WWOX: variants seen among roughly 807,000 people sequenced by gnomAD.
WWOX encodes the protein WW domain-containing oxidoreductase.
In WWOX, 69 loss-of-function variants were observed where a neutral mutation model predicts 46.2. The ratio of observed to expected loss-of-function variants is 1.49; its 90% CI spans 1.23 to 1.82. The LOEUF is 1.82. Ranked by LOEUF, WWOX falls within the 40% of genes most tolerant of loss-of-function variation. The pLI is 0.00. For synonymous variants in WWOX, 359 were observed against 202.6 expected, an observed-to-expected ratio of 1.77 and a Z score of -6.56; for missense variants, 919 against 542.6, an observed-to-expected ratio of 1.69 and a Z score of -6.89.
intron 8 of WWOX, among the ~76,000 whole-genome samples, chr16:78,863,884 C>G (rs932633484): frequency 2.0e-5 from 3 of 152,216 alleles, no homozygotes; most frequent in Non-Finnish European, 4.4e-5. Flanking sequence ...GCCTCCTCCA[C>G]TTAGCATCGT....
intron 6 of WWOX, among the ~76,000 whole-genome samples, chr16:78,407,562 G>T (rs1297468110): frequency 1.3e-5 from 2 of 152,120 alleles, no homozygotes; most frequent in African/African-American, 4.8e-5. Context: ...GCTGCTCCTA[G>T]ACTCTTTAAA....
chr16:79,011,435 T>C (rs958830261), intron 8 of WWOX, among the ~76,000 whole-genome samples: 24 of 151,404 alleles, frequency 1.6e-4, no homozygotes, highest in African/African-American at 5.8e-4. Context: ...TCATCCCCCA[T>C]AGTCTTCCTT....
Position 79,052,188 on chromosome 16 carries a change from C to G in WWOX, c.1057-159420C>G, listed in dbSNP as rs1399870615. Among the ~76,000 whole-genome samples, 4 of 151,488 alleles carry G rather than the reference C, an allele frequency of 2.6e-5. No homozygotes were observed. The South Asian group carries it at 6.3e-4, about 24-fold the overall frequency. On this transcript the variant is annotated intron_variant, in intron 8 of 8. Transcript: ENST00000566780. ...ATATCTCCCAATGCTATCCCTCCCC[C>G]TTCCCCCCACCCCACCACAGTCCCC...
intron 6 of WWOX, among the ~76,000 whole-genome samples, chr16:78,422,684 TACACACAC>T (rs1199317546): frequency 1.3e-4 from 7 of 52,946 alleles, no homozygotes; most frequent in East Asian, 4.8e-4. Flanking sequence ...TATATATATA[TACACACAC>T]ACACACACAT....
intron 5 of WWOX, among the ~76,000 whole-genome samples, chr16:78,279,120 T>G (rs2079632536): frequency 6.6e-6 from 1 of 152,176 alleles, no homozygotes; most frequent in Non-Finnish European, 1.5e-5. Flanking sequence ...AAATACCTTC[T>G]TTTTGAATAA....
At chr16:78,313,288 A>G (rs1371075916) in intron 5 of WWOX, among the ~76,000 whole-genome samples, 1 of 152,206 alleles carries the variant, frequency 6.6e-6, no homozygotes, top group African/African-American at 2.4e-5. Flanking sequence ...ACCCTGTATT[A>G]TAGATCTGCT....
At chr16:78,676,874 G>A (rs887015489) in intron 8 of WWOX, among the ~76,000 whole-genome samples, 1 of 152,054 alleles carries the variant, frequency 6.6e-6, no homozygotes, top group Non-Finnish European at 1.5e-5. Context: ...TTCCATTTTT[G>A]AGTATTACTT....
chr16:78,655,474 G>A (rs1360898035), intron 8 of WWOX, among the ~76,000 whole-genome samples: 2 of 152,156 alleles, frequency 1.3e-5, no homozygotes, highest in Non-Finnish European at 2.9e-5. Context: ...TGAGTGTGCA[G>A]CCTTTTGTCT....
chr16:78,870,709 C>T (rs2044108753), intron 8 of WWOX, among the ~76,000 whole-genome samples: 1 of 152,156 alleles, frequency 6.6e-6, no homozygotes, highest in South Asian at 2.1e-4. Flanking sequence ...TCAAGCAATT[C>T]TCCTGCCTCA....
intron 8 of WWOX, among the ~76,000 whole-genome samples, chr16:79,177,491 G>A (rs1199540121): frequency 6.6e-6 from 1 of 152,128 alleles, no homozygotes; most frequent in Non-Finnish European, 1.5e-5. Context: ...GCTTTTATGG[G>A]GTCATTACAG....
intron 8 of WWOX, among the ~76,000 whole-genome samples, chr16:78,650,348 C>G (rs74032703): frequency 6.6e-6 from 1 of 152,286 alleles, no homozygotes; most frequent in African/African-American, 2.4e-5. Context: ...GATAATTTCT[C>G]TCTTAAATTC....
At chr16:78,626,165 C>G (rs916279457) in intron 8 of WWOX, among the ~76,000 whole-genome samples, 3 of 151,384 alleles carry the variant, frequency 2.0e-5, no homozygotes, top group African/African-American at 4.9e-5. Context: ...GAGTCTGGCT[C>G]TTTTGCCCAG....
intron 8 of WWOX, among the ~76,000 whole-genome samples, chr16:78,834,159 G>C (rs1330347763): frequency 6.6e-6 from 1 of 152,176 alleles, no homozygotes; most frequent in African/African-American, 2.4e-5. Flanking sequence ...ATAACAACAG[G>C]ATAGGAACAT....
intron 8 of WWOX, among the ~76,000 whole-genome samples, chr16:79,057,465 T>C (rs9921050): frequency 0.6 from 91,092 of 151,826 alleles, 28,013 homozygotes; most frequent in African/African-American, 0.71. Flanking sequence ...TCCTTCTCAT[T>C]AGAGTCTTTC....
intron 5 of WWOX, among the ~76,000 whole-genome samples, chr16:78,374,164 A>G (rs1597121992): frequency 6.6e-6 from 1 of 152,162 alleles, no homozygotes; most frequent in African/African-American, 2.4e-5. Context: ...CCTGTTGCTC[A>G]TTTGGAAGCT....
chr16:79,002,570 C>G (rs2047115315), intron 8 of WWOX, among the ~76,000 whole-genome samples: 2 of 152,184 alleles, frequency 1.3e-5, no homozygotes, highest in African/African-American at 2.4e-5. Context: ...CATAGCAGAA[C>G]TAAAGTGATG....
chr16:78,424,019 C>T (rs1415373928), intron 6 of WWOX, among the ~76,000 whole-genome samples: 2 of 151,326 alleles, frequency 1.3e-5, no homozygotes, highest in African/African-American at 2.4e-5. Flanking sequence ...TACCCCCTTG[C>T]TATGTTTTAT....
intron 8 of WWOX, among the ~76,000 whole-genome samples, chr16:78,706,452 G>C (rs530523523): frequency 1.3e-5 from 2 of 152,032 alleles, no homozygotes; most frequent in African/African-American, 2.4e-5. Context: ...GTAATCAAGA[G>C]CTCCATCTCT....
intron 8 of WWOX, among the ~76,000 whole-genome samples, chr16:79,162,572 G>A (rs546057786): frequency 3.3e-5 from 5 of 152,198 alleles, no homozygotes; most frequent in Non-Finnish European, 5.9e-5. Flanking sequence ...TACCCTTGGG[G>A]CGGAGACCTT....
Sources: allele counts gnomAD v4.1 joint callset (sites outside exome capture counted in the v4.1 genomes callset), GRCh38; gene constraint gnomAD v4.1.1; transcripts MANE v1.5; gene names NCBI Gene and HGNC (gene_info 2026-07-23, HGNC 2026-07-21).